Variants in TRHDE observed in about 807,000 individuals in gnomAD.
The protein encoded by TRHDE is thyrotropin releasing hormone degrading enzyme, also known as thyrotropin-releasing hormone-degrading ectoenzyme.
A neutral mutation model predicts 125.7 loss-of-function variants in TRHDE; 72 were observed. That is an observed-to-expected ratio of 0.57 (90% CI 0.47 to 0.70). TRHDE has a LOEUF of 0.70. TRHDE is among the 30% of genes least tolerant of loss of function. TRHDE has a pLI of 0.00. For missense variants in TRHDE, 1,110 were observed against 1,327.1 expected (o/e 0.84, Z 2.54); for synonymous variants, 509 against 509.1 (o/e 1.00, Z 0.00).
intron 2 of TRHDE, among the ~76,000 whole-genome samples, chr12:72,130,039 C>T (rs1875824691): frequency 6.6e-6 from 1 of 152,066 alleles, no homozygotes; most frequent in African/African-American, 2.4e-5. Flanking sequence ...CGGTGGCTCA[C>T]GCCTGTAATC....
chr12:72,626,806 G>T (rs1392297386), intron 15 of TRHDE, among the ~76,000 whole-genome samples: 2 of 151,946 alleles, frequency 1.3e-5, no homozygotes, highest in Non-Finnish European at 1.5e-5. Flanking sequence ...AGGGACAAAA[G>T]GCTCTTTTCA....
At chr12:72,172,207 G>A (rs777182532) in intron 2 of TRHDE, among the ~76,000 whole-genome samples, 10 of 152,032 alleles carry the variant, frequency 6.6e-5, no homozygotes, top group Non-Finnish European at 1.3e-4. Flanking sequence ...AGTAACAAAC[G>A]GGACGGAATA....
At chr12:72,318,886 G>C (rs1034319056) in intron 2 of TRHDE, among the ~76,000 whole-genome samples, 3 of 152,032 alleles carry the variant, frequency 2.0e-5, no homozygotes, top group African/African-American at 7.2e-5. Flanking sequence ...CTGGGGGAGG[G>C]TACCCATGAG....
intron 5 of TRHDE, among the ~76,000 whole-genome samples, chr12:72,495,060 G>GTTTTTTTTTTTTTT (rs751243542): frequency 5.1e-5 from 3 of 58,392 alleles, no homozygotes; most frequent in African/African-American, 7.4e-5. Context: ...TTCCTCCCCC[G>GTTTTTTTTTTTTTT]TTTTTTTTTT....
intron 2 of TRHDE, among the ~76,000 whole-genome samples, chr12:72,159,992 A>T (rs1158281506): frequency 6.6e-6 from 1 of 152,092 alleles, no homozygotes; most frequent in Non-Finnish European, 1.5e-5. Context: ...TTCTAAATCT[A>T]ATTGTGAAAT....
At chr12:72,464,294 A>G (rs949375675) in intron 3 of TRHDE, among the ~76,000 whole-genome samples, 4 of 152,190 alleles carry the variant, frequency 2.6e-5, no homozygotes, top group Non-Finnish European at 5.9e-5. Context: ...CTATAACCAA[A>G]TACCTGAGAC....
At chr12:72,387,794 T>G (rs1872486259) in intron 3 of TRHDE, among the ~76,000 whole-genome samples, 1 of 152,162 alleles carries the variant, frequency 6.6e-6, no homozygotes, top group African/African-American at 2.4e-5. Flanking sequence ...GGGAACACCC[T>G]TTCGCTTGGT....
chr12:72,400,245 AT>A (rs1329564765), intron 3 of TRHDE, among the ~76,000 whole-genome samples: 2 of 152,198 alleles, frequency 1.3e-5, no homozygotes, highest in African/African-American at 4.8e-5. Context: ...AGCAGAAGGT[AT>A]TTTATACAGT....
upstream of TRHDE, chr12:72,271,740 C>T: frequency 2.7e-6 from 1 of 372,376 alleles, no homozygotes; most frequent in Admixed American, 3.2e-5. Flanking sequence ...CGCACACACG[C>T]GCACACACAT....
chr12:72,566,409 C>A (rs550333426), intron 9 of TRHDE, among the ~76,000 whole-genome samples: 1 of 151,440 alleles, frequency 6.6e-6, no homozygotes, highest in Non-Finnish European at 1.5e-5. Context: ...ACTTAGTTAA[C>A]CTTATAGTTA....
At chr12:72,310,987 A>G (rs567108095) in intron 2 of TRHDE, among the ~76,000 whole-genome samples, 48 of 152,182 alleles carry the variant, frequency 3.2e-4, no homozygotes, top group Non-Finnish European at 5.3e-4. Flanking sequence ...TTCCTTTTCC[A>G]ATTAGTTTTT....
intron 2 of TRHDE, among the ~76,000 whole-genome samples, chr12:72,328,412 T>G (rs1229810860): frequency 6.6e-6 from 1 of 152,134 alleles, no homozygotes; most frequent in Non-Finnish European, 1.5e-5. Context: ...ACATTCACAT[T>G]TCTATTGGTT....
chr12:72,090,241 A>C (rs1874759371), intron 1 of TRHDE, among the ~76,000 whole-genome samples: 5 of 152,234 alleles, frequency 3.3e-5, no homozygotes, highest in Admixed American at 2.6e-4. Context: ...ACTACTAACA[A>C]AGATGAGTCT....
chr12:72,434,122 C>T (rs1027259152), intron 3 of TRHDE, among the ~76,000 whole-genome samples: 5 of 152,030 alleles, frequency 3.3e-5, no homozygotes, highest in East Asian at 1.9e-4. Flanking sequence ...CAGTGGCTCA[C>T]GCCTATAGTC....
chr12:72,272,604 G>T lies in TRHDE; in HGVS notation c.-40G>T. 2.4e-6 allele frequency: 2 copies of T among 822,170 alleles called. No homozygotes were observed. The allele number at this position is 822,170 out of a possible 1,614,324, so 50.9% of individuals were successfully genotyped here. A position where few individuals can be genotyped will look rare whatever the true frequency, so the allele number is the denominator to read the frequency against. On this transcript the variant is annotated 5_prime_UTR_variant, in exon 1 of 19. Transcript: ENST00000261180. The surrounding 1 kb of genome is among the most constrained non-coding windows in gnomAD (Gnocchi z 6.7). ...GTGGCCCGGGTGGCCCGCCCGCGGG[G>T]GGTGCCAGAGGGGGCGGGGGAGGAG...
At chr12:72,113,446 G>A (rs963083108) in intron 2 of TRHDE, among the ~76,000 whole-genome samples, 9 of 151,806 alleles carry the variant, frequency 5.9e-5, no homozygotes, top group Admixed American at 1.3e-4. Flanking sequence ...CCAATATGGC[G>A]AAACCCTGTT....
intron 6 of TRHDE, among the ~76,000 whole-genome samples, chr12:72,530,781 G>C (rs1868513659): frequency 6.6e-6 from 1 of 151,290 alleles, no homozygotes; most frequent in Non-Finnish European, 1.5e-5. Flanking sequence ...TAACATATGA[G>C]AGCCTATTCT....
At chr12:72,202,184 T>A (rs1254367190) in intron 2 of TRHDE, among the ~76,000 whole-genome samples, 2 of 152,172 alleles carry the variant, frequency 1.3e-5, no homozygotes, top group Non-Finnish European at 2.9e-5. Flanking sequence ...TGGGTTCTTG[T>A]TTCTTTGCTG....
At chr12:72,507,657 G>C (rs1878407937) in intron 6 of TRHDE, among the ~76,000 whole-genome samples, 1 of 152,150 alleles carries the variant, frequency 6.6e-6, no homozygotes, top group Non-Finnish European at 1.5e-5. Flanking sequence ...TCATAGCCTG[G>C]CCATGTGATA....
Sources: gnomAD v4.1 joint callset for allele counts (sites outside exome capture counted in the v4.1 genomes callset) on GRCh38, gnomAD v4.1.1 for gene constraint, Gnocchi (gnomAD v3.1) non-coding constraint, MANE v1.5 for transcripts, NCBI Gene and HGNC (gene_info 2026-07-23, HGNC 2026-07-21) for gene names.